Variants in IGF2BP3 observed in about 807,000 individuals in gnomAD.
IGF2BP3 encodes the protein insulin-like growth factor 2 mRNA-binding protein 3.
In IGF2BP3, 9 loss-of-function variants were observed where a neutral mutation model predicts 73.8. The ratio of observed to expected loss-of-function variants is 0.12; its 90% CI spans 0.07 to 0.21. The LOEUF is 0.21. IGF2BP3 is among the 10% of genes least tolerant of loss of function. The probability of loss-of-function intolerance (pLI) is 1.00; values close to 1 mark genes in which losing one functional copy is unlikely to be tolerated. For synonymous variants in IGF2BP3, 258 were observed against 256.7 expected (o/e 1.01, Z -0.05); for missense variants, 542 against 714.0 (o/e 0.76, Z 2.75).
At chr7:23,326,054 A>G (rs917652018) in intron 10 of IGF2BP3, among the ~76,000 whole-genome samples, 1 of 152,126 alleles carries the variant, frequency 6.6e-6, no homozygotes, top group African/African-American at 2.4e-5. Context: ...ACAAAAGCCA[A>G]AATTGACAAA....
At chr7:23,383,156 A>T (rs558334602) in intron 3 of IGF2BP3, among the ~76,000 whole-genome samples, 1 of 152,298 alleles carries the variant, frequency 6.6e-6, no homozygotes, top group South Asian at 2.1e-4. Flanking sequence ...AAAATAATCT[A>T]ATTATTTATT....
chr7:23,433,486 A>T (rs1031828075), intron 2 of IGF2BP3, among the ~76,000 whole-genome samples: 1 of 142,908 alleles, frequency 7.0e-6, no homozygotes, highest in African/African-American at 2.6e-5. Context: ...ATAATAACTA[A>T]TTTTTTTTTT....
intron 5 of IGF2BP3, among the ~76,000 whole-genome samples, chr7:23,357,823 G>A (rs984519409): frequency 3.9e-5 from 6 of 152,166 alleles, no homozygotes; most frequent in South Asian, 2.1e-4. Flanking sequence ...GAATTTCCAC[G>A]TTAAGTTCTG....
intron 3 of IGF2BP3, 36 bp downstream of exon 3, chr7:23,418,740 T>C (rs1403744677): frequency 1.1e-5 from 15 of 1,377,536 alleles, no homozygotes; most frequent in Non-Finnish European, 1.4e-5. Flanking sequence ...TAGGCTTCCA[T>C]ACTTAGATCT....
At chr7:23,399,006 T>C (rs547050598) in intron 3 of IGF2BP3, among the ~76,000 whole-genome samples, 3 of 152,338 alleles carry the variant, frequency 2.0e-5, no homozygotes, top group East Asian at 3.8e-4. Context: ...CTGAATGGTA[T>C]TGCCTACGTT....
At chr7:23,398,872 T>G (rs1786567899) in intron 3 of IGF2BP3, among the ~76,000 whole-genome samples, 1 of 152,228 alleles carries the variant, frequency 6.6e-6, no homozygotes, top group South Asian at 2.1e-4. Flanking sequence ...CTGTTCACTC[T>G]GATGGTAGTT....
At chr7:23,327,917 T>A (rs1383267898) in intron 10 of IGF2BP3, among the ~76,000 whole-genome samples, 1 of 152,056 alleles carries the variant, frequency 6.6e-6, no homozygotes, top group Non-Finnish European at 1.5e-5. Context: ...GAACCCCACA[T>A]CAGACACACA....
rs1323249086 is a variant in IGF2BP3, at chr7:23,468,992, G to A, written c.176-450C>T. The stretch of plus-strand genomic sequence containing the variant: ...GGGAACACTCAGCGGTGGGCTTGAG[G>A]AAGACAGGGAGTGGCGAGAAAGGGT... On this transcript the variant is annotated intron_variant, in intron 1 of 14. Coordinates refer to ENST00000258729, the MANE Select transcript of IGF2BP3 (RefSeq NM_006547.3). Among the ~76,000 whole-genome samples, 5 of 152,362 alleles carry A rather than the reference G, an allele frequency of 3.3e-5. No individual in the cohort carries two copies. In the South Asian group the frequency reaches 8.3e-4, roughly 25 times the overall value.
intron 3 of IGF2BP3, among the ~76,000 whole-genome samples, chr7:23,368,593 T>C (rs1461797805): frequency 2.0e-5 from 3 of 152,088 alleles, no homozygotes; most frequent in Non-Finnish European, 4.4e-5. Flanking sequence ...TGGTGATGGT[T>C]GCACGTATCT....
At chr7:23,358,599 C>G (rs948593095) in intron 5 of IGF2BP3, among the ~76,000 whole-genome samples, 1 of 152,174 alleles carries the variant, frequency 6.6e-6, no homozygotes, top group African/African-American at 2.4e-5. Context: ...CTGAGAAAAC[C>G]AAAGCTCAGA....
At chr7:23,391,302 A>G (rs1228423515) in intron 3 of IGF2BP3, among the ~76,000 whole-genome samples, 1 of 149,024 alleles carries the variant, frequency 6.7e-6, no homozygotes, top group Non-Finnish European at 1.5e-5. Context: ...GTTTAGCCAC[A>G]TTCGCCAGGC....
chr7:23,332,428 G>A (rs969124803), intron 10 of IGF2BP3, among the ~76,000 whole-genome samples: 3 of 152,150 alleles, frequency 2.0e-5, no homozygotes, highest in Non-Finnish European at 4.4e-5. Context: ...CACACTGCAA[G>A]TATTAATATA....
chr7:23,443,417 G>A (rs983635756), intron 2 of IGF2BP3, among the ~76,000 whole-genome samples: 1 of 152,076 alleles, frequency 6.6e-6, no homozygotes, highest in Non-Finnish European at 1.5e-5. Context: ...GAGCCACCGC[G>A]ACTGGCCTAT....
rs376895329 is a variant in IGF2BP3, at chr7:23,433,941, G to A, written c.237-15117C>T. 7.2e-5 allele frequency among the ~76,000 whole-genome samples: 11 copies of A among 152,166 alleles called. No homozygotes were observed. The East Asian group carries it at 7.7e-4, about 11-fold the overall frequency. ...AATACAAAAATTAGCCGGGCATCAC[G>A]GAGGCGTGTGCCTGTAATCCCAGCT... On this transcript the variant is annotated intron_variant, in intron 2 of 14. Transcript: ENST00000258729.
intron 5 of IGF2BP3, among the ~76,000 whole-genome samples, chr7:23,356,930 C>T (rs1286659660): frequency 6.6e-6 from 1 of 152,164 alleles, no homozygotes; most frequent in Non-Finnish European, 1.5e-5. Context: ...GGATCCAACA[C>T]TATGCAGAGA....
In IGF2BP3 at chr7:23,324,217, A is replaced by G. The variant is rs904443655; in HGVS notation, c.1204-4963T>C. 1.0e-3 allele frequency among the ~76,000 whole-genome samples: 151 copies of G among 151,472 alleles called. 2 individuals are homozygous for G. Among genetic ancestry groups the G allele is most frequent in the East Asian group, 7.2e-3 (37 of 5,158 alleles). On this transcript the variant is annotated intron_variant, in intron 10 of 14. Coordinates refer to ENST00000258729, the MANE Select transcript of IGF2BP3 (RefSeq NM_006547.3). The stretch of plus-strand genomic sequence containing the variant: ...AAAGAGAGAAGAATCAAATAGACAC[A>G]ATAAAAAATGATAAAGGGGATATCA...
chr7:23,323,578 C>A (rs1027249242), intron 10 of IGF2BP3, among the ~76,000 whole-genome samples: 2 of 149,416 alleles, frequency 1.3e-5, no homozygotes, highest in Non-Finnish European at 2.9e-5. Context: ...ACCTAATAGA[C>A]ATCTACAGAA....
At chr7:23,334,670 C>T (rs1009754634) in intron 10 of IGF2BP3, among the ~76,000 whole-genome samples, 1 of 152,224 alleles carries the variant, frequency 6.6e-6, no homozygotes, top group African/African-American at 2.4e-5. Flanking sequence ...AGATGCCTAT[C>T]GGCAAAACTT....
Position 23,387,383 on chromosome 7 carries a change from CAATGAAAT to C in IGF2BP3, c.286-25650_286-25643del, listed in dbSNP as rs1786118964. The stretch of plus-strand genomic sequence containing the variant: ...TCAAGAGAAGCCTAAGGAAACATGA[CAATGAAAT>C]AGTGTCCCAGACAGGATCATGGAAC... On this transcript the variant is annotated intron_variant, in intron 3 of 14. Transcript: ENST00000258729. Among the ~76,000 whole-genome samples, 4 of 152,038 alleles carry C rather than the reference CAATGAAAT, an allele frequency of 2.6e-5. No individual in the cohort carries two copies. The South Asian group carries it at 8.3e-4, about 32-fold the overall frequency.
Sources: gnomAD v4.1 joint callset for allele counts (sites outside exome capture counted in the v4.1 genomes callset) on GRCh38, gnomAD v4.1.1 for gene constraint, MANE v1.5 for transcripts, NCBI Gene and HGNC (gene_info 2026-07-23, HGNC 2026-07-21) for gene names.